Variants in DTNB observed in about 807,000 individuals in gnomAD.
DTNB encodes dystrobrevin beta, also known as DTN-B.
In DTNB, 63 loss-of-function variants were observed where a neutral mutation model predicts 90.7. The observed-to-expected ratio is 0.69, with a 90% CI of 0.57 to 0.86. DTNB has a LOEUF of 0.86. Among genes scored for constraint, DTNB ranks in the 40% least tolerant of loss-of-function variants. DTNB has a pLI of 0.00. For missense variants in DTNB, 744 were observed against 807.1 expected, an observed-to-expected ratio of 0.92 and a Z score of 0.95; for synonymous variants, 277 against 286.7, an observed-to-expected ratio of 0.97 and a Z score of 0.34.
At chr2:25,413,534 C>G (rs577602331) in intron 16 of DTNB, among the ~76,000 whole-genome samples, 1 of 151,016 alleles carries the variant, frequency 6.6e-6, no homozygotes, top group Non-Finnish European at 1.5e-5. Flanking sequence ...TTTGTTCTTG[C>G]GATAGTTTGC....
At chr2:25,553,489 G>C (rs937678949) in intron 8 of DTNB, among the ~76,000 whole-genome samples, 4 of 151,842 alleles carry the variant, frequency 2.6e-5, no homozygotes, top group Admixed American at 2.6e-4. Context: ...TGTAATCCTA[G>C]CACTTAGGGA....
chr2:25,624,395 T>C (rs2073624400), intron 4 of DTNB, among the ~76,000 whole-genome samples: 1 of 152,180 alleles, frequency 6.6e-6, no homozygotes, highest in Non-Finnish European at 1.5e-5. Context: ...AACTCTTCCT[T>C]AACCTCAACT....
rs2074872319 is a variant in DTNB at position 25,628,302 on chromosome 2, A to G, written c.231T>C (p.Ser77=). 1.9e-6 allele frequency: 3 copies of G among 1,613,326 alleles called. No homozygotes were observed. The highest frequency in any genetic ancestry group is 1.7e-6 in the Non-Finnish European group (2 of 1,179,772). ...AGATGACAGTTTCGAGGCGGGACAC[A>G]CTGATCTCGGTGGTATGGTCCAGTG... ...LNTLDHTTEI[S]VSRLETVISS... The change falls in exon 4 of 21, where the codon AGT becomes AGC. Residue 77 remains serine, a synonymous_variant. Coordinates refer to ENST00000406818, the MANE Select transcript of DTNB (RefSeq NM_021907.5).
At chr2:25,657,628 G>A (rs2082312999) in intron 1 of DTNB, among the ~76,000 whole-genome samples, 1 of 152,168 alleles carries the variant, frequency 6.6e-6, no homozygotes, top group Non-Finnish European at 1.5e-5. Context: ...GCTGAGGTGG[G>A]AAGGATCGCT....
intron 1 of DTNB, among the ~76,000 whole-genome samples, chr2:25,670,882 T>G (rs757758552): frequency 6.6e-6 from 1 of 152,144 alleles, no homozygotes; most frequent in Non-Finnish European, 1.5e-5. Flanking sequence ...GTGACGAAAT[T>G]TTGTGCCATC....
intron 8 of DTNB, among the ~76,000 whole-genome samples, chr2:25,540,388 A>G (rs1361483217): frequency 6.6e-6 from 1 of 152,186 alleles, no homozygotes; most frequent in East Asian, 1.9e-4. Flanking sequence ...TTATTTTATA[A>G]ACATATTTTG....
At chr2:25,624,516 G>GCTC (rs1294724545) in intron 4 of DTNB, among the ~76,000 whole-genome samples, 5 of 152,198 alleles carry the variant, frequency 3.3e-5, no homozygotes, top group African/African-American at 1.2e-4. Context: ...TAAAGCCAGA[G>GCTC]CTCTGATGCA....
intron 12 of DTNB, among the ~76,000 whole-genome samples, chr2:25,442,966 T>C (rs557283666): frequency 1.2e-3 from 190 of 152,338 alleles, no homozygotes; most frequent in African/African-American, 4.3e-3. Context: ...TCTCATTCTG[T>C]TATTAGGTCA....
intron 2 of DTNB, among the ~76,000 whole-genome samples, chr2:25,651,873 TG>T (rs2080998971): frequency 6.6e-6 from 1 of 152,080 alleles, no homozygotes; most frequent in Non-Finnish European, 1.5e-5. Flanking sequence ...AAGATTTCAC[TG>T]GGGGAAAAAA....
intron 8 of DTNB, chr2:25,558,395 C>T (rs986390782): frequency 6.1e-6 from 6 of 985,308 alleles, no homozygotes; most frequent in Non-Finnish European, 7.2e-6. Flanking sequence ...TCCAGTGCAG[C>T]TCTGGTGGCC....
rs968008929 is a variant in DTNB, at chr2:25,596,311, T to C, written c.449-71A>G. On this transcript the variant is annotated intron_variant, in intron 5 of 20. Coordinates refer to ENST00000406818, the MANE Select transcript of DTNB (RefSeq NM_021907.5). ...GCTTTTTATAAATGGCTCTATGTCA[T>C]TTGTATACCAAACAAAAAGTATCAT... 3.5e-6 allele frequency: 5 copies of C among 1,447,610 alleles called. No homozygotes were observed. In the Admixed American group the frequency reaches 1.2e-4, roughly 36 times the overall value. 89.7% of individuals were successfully genotyped at this position (1,447,610 alleles called of 1,614,324 possible).
chr2:25,639,713 A>C (rs2148835789), intron 2 of DTNB, among the ~76,000 whole-genome samples: 1 of 152,284 alleles, frequency 6.6e-6, no homozygotes, highest in South Asian at 2.1e-4. Context: ...TGTGAATCTG[A>C]CCAGGACACT....
At chr2:25,566,267 G>A (rs2059015716) in intron 8 of DTNB, among the ~76,000 whole-genome samples, 2 of 152,102 alleles carry the variant, frequency 1.3e-5, no homozygotes, top group Non-Finnish European at 1.5e-5. Flanking sequence ...CAGGAAAATG[G>A]GGACCTCAGC....
intron 13 of DTNB, among the ~76,000 whole-genome samples, 185 bp from the exon 14 acceptor site, chr2:25,433,184 A>G (rs1396689743): frequency 6.6e-6 from 1 of 152,208 alleles, no homozygotes; most frequent in East Asian, 1.9e-4. Flanking sequence ...TTTCCTCAAC[A>G]AAGCAATCCT....
chr2:25,379,711 C>T (rs559677907), intron 19 of DTNB: 29 of 204,036 alleles, frequency 1.4e-4, no homozygotes, highest in African/African-American at 5.5e-4. Context: ...CTTTGAAAAG[C>T]CCTGCGCTTG....
Position 25,455,377 on chromosome 2 carries a change from T to C in DTNB, c.1169+28A>G, listed in dbSNP as rs1273981431. On this transcript the variant is annotated intron_variant, in intron 11 of 20. Coordinates refer to ENST00000406818, the MANE Select transcript of DTNB (RefSeq NM_021907.5). ...CTCCCTCCCTCTGATCACCCGTGGC[T>C]ACCCACTGCTGCTGCACCACCACTG... The C allele has an allele frequency of 3.8e-6, 6 of 1,564,396 alleles. No individual in the cohort carries two copies. In the East Asian group the frequency reaches 9.5e-5, roughly 25 times the overall value.
chr2:25,380,794 T>C (rs893892368), intron 19 of DTNB, among the ~76,000 whole-genome samples: 2 of 144,304 alleles, frequency 1.4e-5, no homozygotes, highest in African/African-American at 2.4e-5. Flanking sequence ...CCCAGTCTGA[T>C]GTGGACAGTG....
intron 16 of DTNB, among the ~76,000 whole-genome samples, chr2:25,417,302 G>A (rs1011525468): frequency 6.6e-6 from 1 of 152,192 alleles, no homozygotes; most frequent in African/African-American, 2.4e-5. Flanking sequence ...CCAACTTCAA[G>A]GGGATGGTGA....
intron 10 of DTNB, among the ~76,000 whole-genome samples, chr2:25,479,708 C>A (rs2064518107): frequency 6.6e-6 from 1 of 152,176 alleles, no homozygotes; most frequent in African/African-American, 2.4e-5. Context: ...GGACTAACAG[C>A]ATTACTTTTG....
Sources: gnomAD v4.1 joint callset for allele counts (sites outside exome capture counted in the v4.1 genomes callset) on GRCh38, gnomAD v4.1.1 for gene constraint, MANE v1.5 for transcripts, NCBI Gene and HGNC (gene_info 2026-07-23, HGNC 2026-07-21) for gene names.